Variants in TENM1 observed in about 807,000 individuals in gnomAD.
TENM1 encodes the protein teneurin-1.
Under a neutral mutation model 174.8 loss-of-function variants are expected in TENM1, and 35 were observed. The ratio of observed to expected loss-of-function variants is 0.20; its 90% CI spans 0.15 to 0.27. TENM1 has a LOEUF of 0.27. Ranked by LOEUF, TENM1 falls within the 10% of genes least tolerant of loss-of-function variation. The pLI, the probability that TENM1 is intolerant of heterozygous loss-of-function variation, is 1.00. For missense variants in TENM1, 1,633 were observed against 2,130.1 expected (o/e 0.77, Z 4.59); for synonymous variants, 781 against 798.7 (o/e 0.98, Z 0.37).
At chrX:124,911,896 G>A (rs758177904) in intron 1 of TENM1, among the ~76,000 whole-genome samples, 1 of 111,529 alleles carries the variant, frequency 9.0e-6, no homozygotes, top group African/African-American at 3.3e-5. Context: ...CTGGAAATTC[G>A]CTAGCTGTGA....
chrX:124,542,247 C>A (rs1298891968), intron 15 of TENM1, among the ~76,000 whole-genome samples: 1 of 112,324 alleles, frequency 8.9e-6, no homozygotes, highest in Non-Finnish European at 1.9e-5. Flanking sequence ...TGCTACATAG[C>A]AGTAGATATT....
intron 12 of TENM1, among the ~76,000 whole-genome samples, chrX:124,564,844 C>G (rs1186454849): frequency 9.0e-6 from 1 of 111,150 alleles, no homozygotes; most frequent in Non-Finnish European, 1.9e-5. Flanking sequence ...AGGACCAACT[C>G]TCTACACTAC....
At chrX:125,019,436 T>G in the TENM1 span, among the ~76,000 whole-genome samples, 1 of 111,355 alleles carries the variant, frequency 9.0e-6, no homozygotes, top group Non-Finnish European at 1.9e-5. Flanking sequence ...ATCAATCACA[T>G]CCTCTATTTT....
At chrX:124,481,957 G>T (rs145896600) in exon 22 of TENM1, 1 of 1,161,042 alleles carries the variant, frequency 8.6e-7, no homozygotes, top group Non-Finnish European at 1.2e-6. Flanking sequence ...TTGTGAGCAG[G>T]ACTTGTGCTA....
rs370260694 is a variant in TENM1, at chrX:124,891,691, G to GTA, written c.535+2603_535+2604dup. On this transcript the variant is annotated intron_variant, in intron 3 of 31. Transcript: ENST00000422452. ...AAAAATCACATGTACCCATAAATAT[G>GTA]TACACCTATTATGTACCCATAACTA... Among the ~76,000 whole-genome samples the GTA allele has an allele frequency of 5.5e-3, 600 of 108,785 alleles. 3 individuals carry two copies. The highest frequency in any genetic ancestry group is 0.019 in the African/African-American group (569 of 29,847). 94.5% of individuals were successfully genotyped at this position (108,785 alleles called of 115,157 possible). A position where few individuals can be genotyped will look rare whatever the true frequency, so the allele number is the denominator to read the frequency against.
intron 11 of TENM1, among the ~76,000 whole-genome samples, chrX:124,583,328 T>C (rs1359525741): frequency 1.8e-5 from 2 of 111,255 alleles, no homozygotes; most frequent in Non-Finnish European, 3.8e-5. Context: ...GGTACTCCTC[T>C]GAGACAAAAC....
the TENM1 span, among the ~76,000 whole-genome samples, chrX:125,186,581 A>G: frequency 9.2e-6 from 1 of 108,742 alleles, no homozygotes; most frequent in Non-Finnish European, 1.9e-5. Flanking sequence ...CTGGTTGAAA[A>G]AAAAAAAAGC....
intron 11 of TENM1, among the ~76,000 whole-genome samples, chrX:124,593,180 G>A (rs1349668590): frequency 9.0e-6 from 1 of 111,601 alleles, no homozygotes; most frequent in Non-Finnish European, 1.9e-5. Context: ...GCAGCCACCA[G>A]GTGAATAGGT....
chrX:124,533,894 C>G (rs1445434070), intron 15 of TENM1, among the ~76,000 whole-genome samples: 1 of 111,067 alleles, frequency 9.0e-6, no homozygotes, highest in Non-Finnish European at 1.9e-5. Flanking sequence ...TCCTTTGATT[C>G]ACAGACATGA....
chrX:125,001,021 A>G, the TENM1 span, among the ~76,000 whole-genome samples: 4 of 110,726 alleles, frequency 3.6e-5, no homozygotes, highest in Admixed American at 1.9e-4. Context: ...CCAAGGGCTT[A>G]CTCAGTATCC....
At chrX:124,947,847 A>C (rs1269032550) in intron 1 of TENM1, among the ~76,000 whole-genome samples, 3 of 112,068 alleles carry the variant, frequency 2.7e-5, no homozygotes, top group Non-Finnish European at 5.6e-5. Flanking sequence ...TACCAATTCT[A>C]GTTATCCTAA....
At chrX:124,954,787 A>C (rs1455534645) in intron 1 of TENM1, among the ~76,000 whole-genome samples, 2 of 111,808 alleles carry the variant, frequency 1.8e-5, no homozygotes, top group Non-Finnish European at 3.8e-5. Context: ...ATTTATTGTC[A>C]TTAATGTTCC....
intron 5 of TENM1, among the ~76,000 whole-genome samples, chrX:124,689,279 A>G (rs939304055): frequency 4.5e-5 from 5 of 112,028 alleles, no homozygotes; most frequent in Non-Finnish European, 9.4e-5. Context: ...AAGCCATTTA[A>G]TGTTTAGAAA....
the TENM1 span, among the ~76,000 whole-genome samples, chrX:125,134,388 G>A: frequency 1.8e-5 from 2 of 112,225 alleles, no homozygotes; most frequent in South Asian, 7.5e-4. Flanking sequence ...TCTATTCCCG[G>A]TTTCTTCTTG....
intron 22 of TENM1, among the ~76,000 whole-genome samples, chrX:124,464,791 T>A (rs995721849): frequency 9.0e-6 from 1 of 111,639 alleles, no homozygotes; most frequent in Non-Finnish European, 1.9e-5. Flanking sequence ...AACAACTTCT[T>A]TTACTGTTTT....
chrX:124,600,077 C>T (rs1248090596), intron 11 of TENM1, among the ~76,000 whole-genome samples: 3 of 109,316 alleles, frequency 2.7e-5, no homozygotes, highest in Non-Finnish European at 3.8e-5. Context: ...TATTTCCTAC[C>T]TCTGTTCACC....
At position 124,919,616 on chromosome X, in the gene TENM1, A is replaced by T. The variant is rs190222744; in HGVS notation, c.218-23375T>A. 2.0e-3 allele frequency among the ~76,000 whole-genome samples: 218 copies of T among 111,407 alleles called. 1 individual carries two copies. The highest frequency in any genetic ancestry group is 6.4e-3 in the African/African-American group (198 of 30,724). ...AGGGAAGTGAGGGAAGAGGGCTGGG[A>T]TCTGAAAAGATCACACAGCAGAGGC... On this transcript the variant is annotated intron_variant, in intron 1 of 31. Coordinates refer to ENST00000422452, the Ensembl canonical transcript of TENM1.
chrX:125,153,514 C>T, the TENM1 span, among the ~76,000 whole-genome samples: 2 of 112,025 alleles, frequency 1.8e-5, no homozygotes, highest in African/African-American at 3.2e-5. Flanking sequence ...ATTTTAATGC[C>T]AAACATAGTT....
intron 15 of TENM1, among the ~76,000 whole-genome samples, chrX:124,544,052 A>C (rs2048378561): frequency 8.8e-6 from 1 of 113,139 alleles, no homozygotes; most frequent in African/African-American, 3.2e-5. Context: ...TTTTGCCGGT[A>C]GGCAAACAAG....
Sources: gnomAD v4.1 joint callset for allele counts (sites outside exome capture counted in the v4.1 genomes callset) on GRCh38, gnomAD v4.1.1 for gene constraint, MANE v1.5 for transcripts, NCBI Gene and HGNC (gene_info 2026-07-23, HGNC 2026-07-21) for gene names.